The following GNAL variants were observed in gnomAD, a reference collection of about 807,000 sequenced individuals.
The protein encoded by GNAL is G protein subunit alpha L.
Under a neutral mutation model 55.1 loss-of-function variants are expected in GNAL, and 18 were observed. That is an observed-to-expected ratio of 0.33 (90% confidence interval 0.23 to 0.48). The LOEUF is 0.48. Among genes scored for constraint, GNAL ranks in the 20% least tolerant of loss-of-function variants. GNAL has a pLI of 0.99. For synonymous variants in GNAL, 253 were observed against 237.0 expected, an observed-to-expected ratio of 1.07 and a Z score of -0.62; for missense variants, 412 against 614.1, an observed-to-expected ratio of 0.67 and a Z score of 3.48.
chr18:11,884,806 C>T lies in GNAL; in HGVS notation c.*3671C>T. The T allele has an allele frequency of 7.2e-7, 1 of 1,391,744 alleles. No individual in the cohort carries two copies. Among genetic ancestry groups the T allele is most frequent in the South Asian group, 1.5e-5 (1 of 65,698 alleles). 86.2% of individuals were successfully genotyped at this position (1,391,744 alleles called of 1,614,324 possible). A position where few individuals can be genotyped will look rare whatever the true frequency, so the allele number is the denominator to read the frequency against. On this transcript the variant is annotated 3_prime_UTR_variant, in exon 12 of 12. Coordinates refer to ENST00000334049, the MANE Select transcript of GNAL (RefSeq NM_182978.4). ...TTCTCCCTGCACAGCTCACCCCCGA[C>T]CAGCCCAGGCTCCAGCAGGAGAGAC... is the stretch of plus-strand genomic sequence containing the variant.
At chr18:11,840,895 G>C (rs1343874912) in intron 5 of GNAL, among the ~76,000 whole-genome samples, 1 of 133,936 alleles carries the variant, frequency 7.5e-6, no homozygotes, top group Non-Finnish European at 1.6e-5. Flanking sequence ...TTTTTTTTGA[G>C]ACACAGTCTC....
chr18:11,884,644 A>C lies in GNAL; in HGVS notation c.*3509A>C. On this transcript the variant is annotated 3_prime_UTR_variant, in exon 12 of 12. Coordinates refer to ENST00000334049, the MANE Select transcript of GNAL (RefSeq NM_182978.4). ...GATGCTACCCTGGAAAGGAGAAGGG[A>C]AAGTTATGCTGAGAGCACCAGGCAC... The C allele has an allele frequency of 3.1e-6, 5 of 1,611,380 alleles. No individual in the cohort carries two copies. The highest frequency in any genetic ancestry group is 4.2e-6 in the Non-Finnish European group (5 of 1,178,304).
chr18:11,760,207 C>T (rs1407402041), intron 4 of GNAL, among the ~76,000 whole-genome samples: 2 of 152,174 alleles, frequency 1.3e-5, no homozygotes, highest in Non-Finnish European at 2.9e-5. Context: ...TCTGAATCCA[C>T]TTCAGTAAGG....
chr18:11,745,096 C>T (rs2032660650), intron 1 of GNAL, among the ~76,000 whole-genome samples: 2 of 152,168 alleles, frequency 1.3e-5, no homozygotes, highest in African/African-American at 4.8e-5. Flanking sequence ...CTACAGAAGA[C>T]CAGTTATTAC....
At chr18:11,720,631 C>T (rs576132760) in intron 1 of GNAL, among the ~76,000 whole-genome samples, 1 of 152,322 alleles carries the variant, frequency 6.6e-6, no homozygotes, top group South Asian at 2.1e-4. Context: ...TGCCTTCTGG[C>T]ATTGCATAAC....
intron 4 of GNAL, among the ~76,000 whole-genome samples, chr18:11,788,677 G>A (rs1196682188): frequency 6.6e-6 from 1 of 151,556 alleles, no homozygotes; most frequent in Non-Finnish European, 1.5e-5. Context: ...TTCGAGACCA[G>A]CCTGGTGGTC....
chr18:11,837,196 G>A (rs1393732038), intron 5 of GNAL, among the ~76,000 whole-genome samples: 2 of 152,102 alleles, frequency 1.3e-5, no homozygotes, highest in African/African-American at 4.8e-5. Context: ...TCACCATGTT[G>A]GGCAGGCTGG....
At chr18:11,767,389 C>T (rs969055139) in intron 4 of GNAL, among the ~76,000 whole-genome samples, 1 of 151,852 alleles carries the variant, frequency 6.6e-6, no homozygotes, top group Admixed American at 6.6e-5. Flanking sequence ...TGCACACTTG[C>T]CTCTGAGCAC....
intron 4 of GNAL, among the ~76,000 whole-genome samples, chr18:11,754,998 ATGTGTGTGTG>A (rs59291287): frequency 5.4e-4 from 80 of 149,150 alleles, no homozygotes; most frequent in African/African-American, 1.9e-3. Context: ...GTGAGTGTGT[ATGTGTGTGTG>A]TGTGTGTGTG....
intron 1 of GNAL, among the ~76,000 whole-genome samples, chr18:11,724,557 T>A (rs1158675564): frequency 3.3e-5 from 5 of 152,120 alleles, no homozygotes; most frequent in African/African-American, 1.2e-4. Context: ...CGACCGATCG[T>A]AGGGAACTTC....
At chr18:11,842,012 G>A (rs2035625801) in intron 5 of GNAL, among the ~76,000 whole-genome samples, 1 of 149,342 alleles carries the variant, frequency 6.7e-6, no homozygotes, top group Non-Finnish European at 1.5e-5. Context: ...CGCTGTTGTT[G>A]CCCAGGCTGA....
chr18:11,866,352 T>C (rs1353423063), intron 7 of GNAL, among the ~76,000 whole-genome samples: 1 of 150,268 alleles, frequency 6.7e-6, no homozygotes, highest in African/African-American at 2.5e-5. Flanking sequence ...ATCTAGCCCG[T>C]GTGGTCCTAA....
intron 5 of GNAL, chr18:11,851,856 G>A (rs1374997744): frequency 1.9e-6 from 3 of 1,613,948 alleles, no homozygotes; most frequent in South Asian, 1.1e-5. Flanking sequence ...CTGCTTTGAT[G>A]GACAAATTCG....
At chr18:11,877,685 C>G (rs2036564614) in intron 11 of GNAL, among the ~76,000 whole-genome samples, 1 of 152,070 alleles carries the variant, frequency 6.6e-6, no homozygotes, top group African/African-American at 2.4e-5. Flanking sequence ...GATCTTAGTC[C>G]AGGTAGCAGT....
chr18:11,751,736 G>T lies in GNAL; in HGVS notation c.377-1117G>T. ...GCGCCCCAGCCGGCCGGGCTCCGTG[G>T]GGGGTCAGCTCCCTGACCCCTACAG... On this transcript the variant is annotated intron_variant, in intron 1 of 11. Coordinates refer to ENST00000334049, the MANE Select transcript of GNAL (RefSeq NM_182978.4). This position sits in a 1 kb window ranked among gnomAD's most constrained non-coding sequence, Gnocchi z 4.5. The T allele has an allele frequency of 3.5e-6, 3 of 848,080 alleles. No individual in the cohort carries two copies. Among genetic ancestry groups the T allele is most frequent in the South Asian group, 1.1e-4 (2 of 18,670 alleles). 52.5% of individuals were successfully genotyped at this position (848,080 alleles called of 1,614,324 possible).
chr18:11,766,367 C>A (rs2033406241), intron 4 of GNAL, among the ~76,000 whole-genome samples: 1 of 152,146 alleles, frequency 6.6e-6, no homozygotes, highest in African/African-American at 2.4e-5. Flanking sequence ...CAAAGCAATT[C>A]CATTTTTAAT....
At chr18:11,864,909 G>A (rs974856316) in intron 7 of GNAL, among the ~76,000 whole-genome samples, 1 of 152,116 alleles carries the variant, frequency 6.6e-6, no homozygotes, top group Admixed American at 6.5e-5. Context: ...ACAGTCACAG[G>A]TTGAGAACTG....
At chr18:11,840,713 G>A (rs925792514) in intron 5 of GNAL, among the ~76,000 whole-genome samples, 2 of 152,098 alleles carry the variant, frequency 1.3e-5, no homozygotes, top group East Asian at 1.9e-4. Flanking sequence ...GGACGTATTC[G>A]GGAATGCTGT....
chr18:11,771,319 A>G (rs2033628574), intron 4 of GNAL, among the ~76,000 whole-genome samples: 1 of 151,314 alleles, frequency 6.6e-6, no homozygotes, highest in Non-Finnish European at 1.5e-5. Context: ...GTGAATTTTC[A>G]TAACTTATTG....
Sources: allele counts gnomAD v4.1 joint callset (sites outside exome capture counted in the v4.1 genomes callset), GRCh38; gene constraint gnomAD v4.1.1; non-coding constraint Gnocchi (gnomAD v3.1); transcripts MANE v1.5; gene names NCBI Gene and HGNC (gene_info 2026-07-23, HGNC 2026-07-21).